GRM7: variants seen among roughly 807,000 people sequenced by gnomAD.
GRM7 encodes the protein metabotropic glutamate receptor 7.
A neutral mutation model predicts 84.5 loss-of-function variants in GRM7; 35 were observed. The observed-to-expected ratio is 0.41, with a 90% CI of 0.32 to 0.55. The LOEUF is 0.55. Among genes scored for constraint, GRM7 ranks in the 20% least tolerant of loss-of-function variants. The pLI, the probability that GRM7 is intolerant of heterozygous loss-of-function variation, is 0.19. For synonymous variants in GRM7, 487 were observed against 455.1 expected (o/e 1.07, Z -0.89); for missense variants, 1,003 against 1,194.6 (o/e 0.84, Z 2.36).
intron 7 of GRM7, among the ~76,000 whole-genome samples, chr3:7,548,016 G>A (rs1693254035): frequency 6.6e-6 from 1 of 152,194 alleles, no homozygotes; most frequent in South Asian, 2.1e-4. Context: ...AGACAAGGCA[G>A]GCAAGGACAA....
At chr3:6,992,710 A>G (rs554995209) in intron 1 of GRM7, among the ~76,000 whole-genome samples, 27 of 152,344 alleles carry the variant, frequency 1.8e-4, no homozygotes, top group African/African-American at 5.8e-4. Flanking sequence ...AGCCATAACC[A>G]TGAAGAAAAG....
intron 9 of GRM7, among the ~76,000 whole-genome samples, chr3:7,716,548 T>C (rs1000482555): frequency 1.3e-5 from 2 of 152,186 alleles, no homozygotes; most frequent in African/African-American, 4.8e-5. Context: ...AAAGAAAATA[T>C]GGCATGGACA....
intron 8 of GRM7, among the ~76,000 whole-genome samples, chr3:7,602,791 G>A (rs1328079752): frequency 6.6e-6 from 1 of 152,162 alleles, no homozygotes; most frequent in Non-Finnish European, 1.5e-5. Flanking sequence ...TTTGAAGCTT[G>A]CAAGTTTTGT....
intron 7 of GRM7, among the ~76,000 whole-genome samples, chr3:7,532,803 C>CAAAAAAA (rs36040168): frequency 1.7e-4 from 12 of 70,638 alleles, no homozygotes; most frequent in African/African-American, 3.1e-4. Context: ...AAAGGGAAAG[C>CAAAAAAA]AAAAAAAAAA....
Position 7,390,109 on chromosome 3 carries a change from A to T in GRM7, c.1034-24914A>T, listed in dbSNP as rs138857076. Among the ~76,000 whole-genome samples, 514 of 152,230 alleles carry T rather than the reference A, an allele frequency of 3.4e-3. 3 individuals are homozygous for T. Among genetic ancestry groups the T allele is most frequent in the African/African-American group, 0.012 (502 of 41,550 alleles). On this transcript the variant is annotated intron_variant, in intron 4 of 9. Transcript: ENST00000357716. ...GAAATATTTTATTTCTCCTTCATTT[A>T]TGAAGCTTAATTTGGTGGGATATTA... is the stretch of plus-strand genomic sequence containing the variant.
At position 7,242,418 on chromosome 3, in the gene GRM7, T is replaced by C. The variant is rs945396853; in HGVS notation, c.737-56266T>C. Among the ~76,000 whole-genome samples, 10 of 152,300 alleles carry C rather than the reference T, an allele frequency of 6.6e-5. 1 individual carries two copies. The South Asian group carries it at 1.2e-3, about 19-fold the overall frequency. The stretch of plus-strand genomic sequence containing the variant: ...GAGCTGGACTAGAGGTTGTGTAAGA[T>C]CTCTTGCAGTGTAGTGCATCTTGCT... On this transcript the variant is annotated intron_variant, in intron 2 of 9. Coordinates refer to ENST00000357716, the MANE Select transcript of GRM7 (RefSeq NM_000844.4).
intron 4 of GRM7, among the ~76,000 whole-genome samples, chr3:7,391,982 A>G (rs1393113235): frequency 4.6e-5 from 7 of 151,592 alleles, no homozygotes; most frequent in African/African-American, 1.7e-4. Context: ...GCAAGAGATA[A>G]CCCCCTCTCT....
intron 1 of GRM7, among the ~76,000 whole-genome samples, chr3:7,086,578 T>A (rs114462007): frequency 0.01 from 1,524 of 152,302 alleles, 22 homozygotes; most frequent in African/African-American, 0.035. Flanking sequence ...CCCTGGTGAC[T>A]TCTGTGCAAC....
intron 7 of GRM7, among the ~76,000 whole-genome samples, chr3:7,515,946 G>A (rs760533551): frequency 2.4e-4 from 37 of 151,580 alleles, no homozygotes; most frequent in African/African-American, 5.3e-4. Context: ...TGTTCAAGAC[G>A]AGCCTGGGAA....
At position 7,059,260 on chromosome 3, in the gene GRM7, G is replaced by T. The variant is rs530864616; in HGVS notation, c.520-87192G>T. 9.2e-5 allele frequency among the ~76,000 whole-genome samples: 14 copies of T among 151,810 alleles called. No homozygotes were observed. The South Asian group carries it at 2.7e-3, about 29-fold the overall frequency. ...TAAATCTACACAGGACAGAGAAATTGATTTACTTTTTGAAAGTTCCTAAGC... is the reference window on the plus strand; with the variant it reads ...TAAATCTACACAGGACAGAGAAATTTATTTACTTTTTGAAAGTTCCTAAGC... On this transcript the variant is annotated intron_variant, in intron 1 of 9. Coordinates refer to ENST00000357716, the MANE Select transcript of GRM7 (RefSeq NM_000844.4).
At chr3:7,369,975 A>G (rs568022666) in intron 4 of GRM7, among the ~76,000 whole-genome samples, 1 of 152,264 alleles carries the variant, frequency 6.6e-6, no homozygotes, top group Admixed American at 6.5e-5. Context: ...AGATGCAAGC[A>G]TCCCTCATGG....
intron 7 of GRM7, among the ~76,000 whole-genome samples, chr3:7,563,513 A>C (rs1166226884): frequency 6.6e-6 from 1 of 152,192 alleles, no homozygotes; most frequent in East Asian, 1.9e-4. Flanking sequence ...AACAAGAGAA[A>C]GACCATTTCA....
At chr3:6,905,573 T>TTCTCTTTCTC (rs1553588631) in intron 1 of GRM7, among the ~76,000 whole-genome samples, 1 of 151,358 alleles carries the variant, frequency 6.6e-6, no homozygotes, top group Non-Finnish European at 1.5e-5. Context: ...CCCTTCCTCT[T>TTCTCTTTCTC]TCTCTCTCCC....
chr3:7,491,489 A>G (rs1229984041), intron 7 of GRM7, among the ~76,000 whole-genome samples: 2 of 152,172 alleles, frequency 1.3e-5, no homozygotes, highest in Non-Finnish European at 1.5e-5. Flanking sequence ...TGTAATTTGC[A>G]TAAAATATTT....
chr3:7,048,786 A>G (rs80057673), intron 1 of GRM7, among the ~76,000 whole-genome samples: 3,673 of 152,002 alleles, frequency 0.024, 147 homozygotes, highest in African/African-American at 0.083. Flanking sequence ...TACCTTACCT[A>G]TAGTCACCAT....
At chr3:6,881,959 G>C (rs1695529981) in intron 1 of GRM7, among the ~76,000 whole-genome samples, 1 of 148,364 alleles carries the variant, frequency 6.7e-6, no homozygotes, top group Non-Finnish European at 1.5e-5. Flanking sequence ...GTGTGTATTA[G>C]TATGAGCTGA....
In GRM7 at chr3:7,374,782, T is replaced by C. The variant is rs899420483; in HGVS notation, c.1034-40241T>C. 1.1e-4 allele frequency among the ~76,000 whole-genome samples: 16 copies of C among 151,940 alleles called. No individual in the cohort carries two copies. In the East Asian group the frequency reaches 2.9e-3, roughly 28 times the overall value. ...CTGGGATTACAGGCTTGAGCCACCA[T>C]GCCCAGCCGGTATGAGCTATTTTAA... On this transcript the variant is annotated intron_variant, in intron 4 of 9. Transcript: ENST00000357716.
At chr3:7,354,778 A>G (rs957135550) in intron 4 of GRM7, among the ~76,000 whole-genome samples, 7 of 152,152 alleles carry the variant, frequency 4.6e-5, no homozygotes, top group African/African-American at 7.2e-5. Context: ...AAGTTAACAC[A>G]TCTTCTGGTA....
intron 1 of GRM7, among the ~76,000 whole-genome samples, chr3:6,910,234 T>C (rs1192046108): frequency 6.6e-6 from 1 of 152,164 alleles, no homozygotes; most frequent in Non-Finnish European, 1.5e-5. Flanking sequence ...GTATCACCAG[T>C]GTGCCAATGT....
Sources: gnomAD v4.1 joint callset for allele counts (sites outside exome capture counted in the v4.1 genomes callset) on GRCh38, gnomAD v4.1.1 for gene constraint, MANE v1.5 for transcripts, NCBI Gene and HGNC (gene_info 2026-07-23, HGNC 2026-07-21) for gene names.